The following NR1H4 variants were observed in gnomAD, a reference collection of about 807,000 sequenced individuals.
NR1H4 encodes bile acid receptor.
A neutral mutation model predicts 58.5 loss-of-function variants in NR1H4; 23 were observed. The observed-to-expected ratio is 0.39, with a 90% CI of 0.28 to 0.56. The LOEUF (loss-of-function observed/expected upper bound fraction) is 0.56, where lower values mean the gene tolerates loss of function less well. Among genes scored for constraint, NR1H4 ranks in the 20% least tolerant of loss-of-function variants. NR1H4 has a pLI of 0.58. For missense variants in NR1H4, 487 were observed against 576.9 expected, an observed-to-expected ratio of 0.84 and a Z score of 1.60; for synonymous variants, 214 against 198.0, an observed-to-expected ratio of 1.08 and a Z score of -0.68.
chr12:100,558,347 C>T (rs1955381748), intron 9 of NR1H4, among the ~76,000 whole-genome samples: 1 of 81,200 alleles, frequency 1.2e-5, no homozygotes, highest in Non-Finnish European at 2.3e-5. Context: ...GAGATTCCAT[C>T]TCAAAAAAAA....
At chr12:100,555,457 G>T (rs942039210) in intron 9 of NR1H4, among the ~76,000 whole-genome samples, 1 of 152,162 alleles carries the variant, frequency 6.6e-6, no homozygotes, top group Non-Finnish European at 1.5e-5. Context: ...TGCAGAATTT[G>T]TTGGTTTTTT....
At chr12:100,479,614 C>T (rs1418196452) in intron 1 of NR1H4, among the ~76,000 whole-genome samples, 1 of 152,212 alleles carries the variant, frequency 6.6e-6, no homozygotes, top group Non-Finnish European at 1.5e-5. Context: ...ATCAACCCTC[C>T]ACGCTCAGAA....
At chr12:100,560,095 C>T (rs897856038) in intron 9 of NR1H4, among the ~76,000 whole-genome samples, 1 of 152,052 alleles carries the variant, frequency 6.6e-6, no homozygotes, top group African/African-American at 2.4e-5. Flanking sequence ...TCTGGTGGGG[C>T]CTTGGAGAAC....
chr12:100,557,268 C>T (rs1955350530), intron 9 of NR1H4, among the ~76,000 whole-genome samples: 1 of 107,228 alleles, frequency 9.3e-6, no homozygotes, highest in African/African-American at 3.1e-5. Flanking sequence ...AGGCATGTCA[C>T]ATGGTGAGAC....
intron 3 of NR1H4, among the ~76,000 whole-genome samples, chr12:100,495,295 T>C (rs1197524515): frequency 6.6e-6 from 1 of 152,236 alleles, no homozygotes; most frequent in East Asian, 1.9e-4. Flanking sequence ...CAACTCTTTA[T>C]CTGGTCCCCT....
intron 9 of NR1H4, among the ~76,000 whole-genome samples, chr12:100,559,459 G>A (rs1170477879): frequency 1.3e-5 from 2 of 152,170 alleles, no homozygotes; most frequent in Non-Finnish European, 2.9e-5. Context: ...TGGGCTTGGC[G>A]GGCCCCTCAC....
chr12:100,479,125 A>T (rs1953328741), intron 1 of NR1H4, among the ~76,000 whole-genome samples: 1 of 151,918 alleles, frequency 6.6e-6, no homozygotes, highest in Non-Finnish European at 1.5e-5. Flanking sequence ...TATTGTTTGT[A>T]CTAATATTTT....
chr12:100,526,571 C>T (rs1037632485), intron 4 of NR1H4, among the ~76,000 whole-genome samples: 4 of 152,178 alleles, frequency 2.6e-5, no homozygotes, highest in African/African-American at 9.7e-5. Context: ...ATACTCCTTC[C>T]TCCAGGATCG....
intron 3 of NR1H4, among the ~76,000 whole-genome samples, chr12:100,509,726 C>T (rs1199836508): frequency 6.6e-6 from 1 of 151,936 alleles, no homozygotes; most frequent in African/African-American, 2.4e-5. Flanking sequence ...TTTTTTAAAG[C>T]TCCTCCTTTG....
At position 100,563,417 on chromosome 12, in the gene NR1H4, G is replaced by T. The variant is rs371932662; in HGVS notation, c.1359G>T (p.Glu453Asp). Residue 453 changes from glutamate to aspartate, a missense_variant, in exon 11 of 11, where the codon GAG (glutamate) becomes GAT (aspartate). By Grantham distance (45) the Glu-to-Asp change is conservative (BLOSUM62 2). Coordinates refer to ENST00000392986, the MANE Select transcript of NR1H4 (RefSeq NM_001206979.2). ...ELRTFNHHHA[E>D]MLMSWRVNDH... ...GGACATTCAATCATCACCACGCTGAGATGCTGATGTCATGGAGAGTAAACG... is the reference window on the plus strand; with the variant it reads ...GGACATTCAATCATCACCACGCTGATATGCTGATGTCATGGAGAGTAAACG... The T allele has an allele frequency of 8.7e-6, 14 of 1,614,054 alleles. No individual in the cohort carries two copies. The African/African-American group carries it at 1.7e-4, about 20-fold the overall frequency.
At chr12:100,478,472 A>G (rs1167855407) in intron 1 of NR1H4, among the ~76,000 whole-genome samples, 4 of 152,206 alleles carry the variant, frequency 2.6e-5, no homozygotes, top group Non-Finnish European at 5.9e-5. Context: ...AGGAAATGAT[A>G]CCCTAGGAGA....
chr12:100,547,529 T>C (rs1477064395), intron 9 of NR1H4, among the ~76,000 whole-genome samples: 1 of 152,028 alleles, frequency 6.6e-6, no homozygotes, highest in East Asian at 1.9e-4. Context: ...TGGGTCAGAA[T>C]TGAAACCTGT....
intron 1 of NR1H4, among the ~76,000 whole-genome samples, chr12:100,487,277 T>C (rs1486489367): frequency 6.6e-6 from 1 of 152,246 alleles, no homozygotes; most frequent in African/African-American, 2.4e-5. Context: ...TTTTTATGCT[T>C]TGCTGTATTG....
chr12:100,540,865 A>G, intron 9 of NR1H4, 47 bp downstream of exon 9: 1 of 1,598,664 alleles, frequency 6.3e-7, no homozygotes, highest in Non-Finnish European at 8.6e-7. Context: ...TAGGAGTAAA[A>G]TTGGTGTGCT....
intron 1 of NR1H4, among the ~76,000 whole-genome samples, chr12:100,479,052 C>T (rs1056343276): frequency 6.6e-6 from 1 of 151,918 alleles, no homozygotes; most frequent in African/African-American, 2.4e-5. Flanking sequence ...TTTTTGTATC[C>T]TTTGCCAATT....
chr12:100,561,727 GTCCT>G (rs1235000630), intron 9 of NR1H4, among the ~76,000 whole-genome samples, 154 bp from the exon 10 acceptor site: 4 of 152,112 alleles, frequency 2.6e-5, no homozygotes, highest in Admixed American at 6.5e-5. Context: ...TCTTCACAAT[GTCCT>G]TCCTTTGGAC....
chr12:100,496,854 C>A (rs930833148), intron 3 of NR1H4, among the ~76,000 whole-genome samples: 3 of 152,096 alleles, frequency 2.0e-5, no homozygotes, highest in African/African-American at 7.2e-5. Context: ...ACAATAATGA[C>A]CTTTTCAGTG....
intron 1 of NR1H4, among the ~76,000 whole-genome samples, chr12:100,476,919 A>C (rs1566423004): frequency 6.6e-6 from 1 of 152,070 alleles, no homozygotes; most frequent in Non-Finnish European, 1.5e-5. Flanking sequence ...AAATAGGAAC[A>C]ATTTTCCTCC....
At chr12:100,505,702 A>G (rs1953944049) in intron 3 of NR1H4, 1 of 645,312 alleles carries the variant, frequency 1.5e-6, no homozygotes, top group African/African-American at 1.8e-5. Context: ...TTCCAAAATA[A>G]AGATTCCTAA....
Sources: gnomAD v4.1 joint callset for allele counts (sites outside exome capture counted in the v4.1 genomes callset) on GRCh38, gnomAD v4.1.1 for gene constraint, MANE v1.5 for transcripts, NCBI Gene and HGNC (gene_info 2026-07-23, HGNC 2026-07-21) for gene names.